Variants in ZNF528 observed in about 807,000 individuals in gnomAD.
The protein encoded by ZNF528 is zinc finger protein 528.
A neutral mutation model predicts 13.3 loss-of-function variants in ZNF528; 9 were observed. The observed-to-expected ratio is 0.67, with a 90% CI of 0.41 to 1.18. ZNF528 has a LOEUF of 1.18. ZNF528 is among the 50% of genes most tolerant of loss of function. The pLI is 0.01. For missense variants in ZNF528, 858 were observed against 745.4 expected, an observed-to-expected ratio of 1.15 and a Z score of -1.76; for synonymous variants, 264 against 254.3, an observed-to-expected ratio of 1.04 and a Z score of -0.36.
chr19:52,406,081 C>T (rs1194431029), intron 5 of ZNF528, 48 bp downstream of exon 5: 3 of 1,576,432 alleles, frequency 1.9e-6, no homozygotes, highest in African/African-American at 2.7e-5. Context: ...TGGTGGATCT[C>T]TGAATTGTGT....
In ZNF528 at chr19:52,416,824, A is replaced by C. The variant is rs115605520; in HGVS notation, c.*85A>C. 3,130 of 1,361,544 alleles carry C rather than the reference A, an allele frequency of 2.3e-3. 55 individuals are homozygous for C. The African/African-American group carries it at 0.041, about 18-fold the overall frequency. The allele number at this position is 1,361,544 out of a possible 1,614,324, so 84.3% of individuals were successfully genotyped here. ...AGTGAGTCCATACTAAGTGGAAATC[A>C]TATAAATGAAATGTATGTGACACAG... On this transcript the variant is annotated 3_prime_UTR_variant, in exon 7 of 7. Coordinates refer to ENST00000360465, the MANE Select transcript of ZNF528 (RefSeq NM_032423.3).
In ZNF528 at chr19:52,415,113, TTC is replaced by T; in HGVS notation, c.272-9_272-8del. On this transcript the variant is annotated splice_polypyrimidine_tract_variant and intron_variant, in intron 6 of 6. Coordinates refer to ENST00000360465, the MANE Select transcript of ZNF528 (RefSeq NM_032423.3). ...ATGGGTTGAAGTTCCACTTTTTTCT[TTC>T]TGTTTTAGAGAGGAGCTCTAAATTG... is the stretch of plus-strand genomic sequence containing the variant. The T allele has an allele frequency of 1.9e-6, 3 of 1,609,774 alleles. No homozygotes were observed. The highest frequency in any genetic ancestry group is 2.5e-6 in the Non-Finnish European group (3 of 1,177,882).
Position 52,418,333 on chromosome 19 carries a change from G to A in ZNF528, c.*1594G>A, listed in dbSNP as rs989425162. 11 of 152,198 alleles carry A rather than the reference G, an allele frequency of 7.2e-5. No homozygotes were observed. The highest frequency in any genetic ancestry group is 7.2e-4 in the Admixed American group (11 of 15,270). 9.4% of individuals were successfully genotyped at this position (152,198 alleles called of 1,614,324 possible). On this transcript the variant is annotated 3_prime_UTR_variant, in exon 7 of 7. Coordinates refer to ENST00000360465, the MANE Select transcript of ZNF528 (RefSeq NM_032423.3). ...TCACATTTAATTCTTGGTATTATAA[G>A]TTGCAACCATTTGATTTAGAATGTA...
At chr19:52,404,601 TG>T (rs2058832997) in intron 4 of ZNF528, among the ~76,000 whole-genome samples, 1 of 151,966 alleles carries the variant, frequency 6.6e-6, no homozygotes, top group African/African-American at 2.4e-5. Context: ...TTATTTTATT[TG>T]TTTTTTTGAG....
chr19:52,413,854 CT>C, intron 6 of ZNF528: 1 of 216,502 alleles, frequency 4.6e-6, no homozygotes, highest in Non-Finnish European at 9.4e-6. Flanking sequence ...ACTTTAAGAC[CT>C]TTTTGATGAG....
chr19:52,402,153 T>G, intron 4 of ZNF528, 125 bp downstream of exon 4: 1 of 1,352,532 alleles, frequency 7.4e-7, no homozygotes, highest in Non-Finnish European at 1.0e-6. Context: ...TACCCATGGC[T>G]TCTTCCAGTC....
intron 6 of ZNF528, among the ~76,000 whole-genome samples, chr19:52,411,127 C>T (rs1248096241): frequency 6.6e-6 from 1 of 152,060 alleles, no homozygotes; most frequent in Non-Finnish European, 1.5e-5. Flanking sequence ...AGAATATCAT[C>T]CATAAAATGA....
Position 52,416,626 on chromosome 19 carries a change from C to T in ZNF528, c.1774C>T (p.Leu592Phe). Reference protein sequence around the residue: ...CGKIFTQKSSLTNHHRIHIGE... With the variant: ...CGKIFTQKSSFTNHHRIHIGE... Reference sequence around the variant, plus strand: ...CAAGATCTTCACTCAGAAGTCTTCCCTCACCAATCACCATAGAATTCACAT... The same window carrying T: ...CAAGATCTTCACTCAGAAGTCTTCCTTCACCAATCACCATAGAATTCACAT... Residue 592 changes from leucine (L) to phenylalanine (F), a missense_variant, in exon 7 of 7, where the codon CTC (leucine) becomes TTC (phenylalanine). Leu to Phe is a conservative substitution (Grantham distance 22). Transcript: ENST00000360465. The T allele has an allele frequency of 6.2e-7, 1 of 1,614,160 alleles. No homozygotes were observed. Among genetic ancestry groups the T allele is most frequent in the Non-Finnish European group, 8.5e-7 (1 of 1,180,036 alleles).
intron 6 of ZNF528, chr19:52,411,866 T>C (rs1014906566): frequency 6.6e-6 from 1 of 152,190 alleles, no homozygotes; most frequent in Non-Finnish European, 1.5e-5. Flanking sequence ...CATAAATTGA[T>C]GGCTGTATTT....
chr19:52,418,255 T>C lies in ZNF528; in HGVS notation c.*1516T>C, dbSNP rs1364345170. On this transcript the variant is annotated 3_prime_UTR_variant, in exon 7 of 7. Coordinates refer to ENST00000360465, the MANE Select transcript of ZNF528 (RefSeq NM_032423.3). Reference sequence around the variant, plus strand: ...CTGCCTCAGCCTGAAAGTGCTAGGATTACAGGCGTGAGCCACCACACCTGG... The same window carrying C: ...CTGCCTCAGCCTGAAAGTGCTAGGACTACAGGCGTGAGCCACCACACCTGG... 1 of 152,168 alleles carries C rather than the reference T, an allele frequency of 6.6e-6. No homozygotes were observed. The highest frequency in any genetic ancestry group is 1.9e-4 in the East Asian group (1 of 5,180). The allele number at this position is 152,168 out of a possible 1,614,324, so 9.4% of individuals were successfully genotyped here. A position where few individuals can be genotyped will look rare whatever the true frequency, so the allele number is the denominator to read the frequency against.
chr19:52,414,568 C>G (rs2058975089), intron 6 of ZNF528: 2 of 488,364 alleles, frequency 4.1e-6, no homozygotes, highest in Admixed American at 3.4e-5. Context: ...TAGATAATTT[C>G]AATGAGCATG....
At chr19:52,414,462 G>T in intron 6 of ZNF528, 1 of 594,366 alleles carries the variant, frequency 1.7e-6, no homozygotes, top group Non-Finnish European at 3.0e-6. Context: ...TAAAGGAGAT[G>T]GTGGCAGGGG....
chr19:52,415,111 C>A lies in ZNF528; in HGVS notation c.272-13C>A, dbSNP rs1418303940. 3 of 1,608,644 alleles carry A rather than the reference C, an allele frequency of 1.9e-6. No homozygotes were observed. Among genetic ancestry groups the A allele is most frequent in the Middle Eastern group, 1.7e-4 (1 of 6,012 alleles). ...TCATGGGTTGAAGTTCCACTTTTTTCTTTCTGTTTTAGAGAGGAGCTCTAA... is the reference window on the plus strand; with the variant it reads ...TCATGGGTTGAAGTTCCACTTTTTTATTTCTGTTTTAGAGAGGAGCTCTAA... On this transcript the variant is annotated splice_polypyrimidine_tract_variant and intron_variant, in intron 6 of 6. Transcript: ENST00000360465.
Position 52,415,779 on chromosome 19 carries a change from T to C in ZNF528, c.927T>C (p.Ile309=). The C allele has an allele frequency of 6.2e-7, 1 of 1,613,956 alleles. No homozygotes were observed. Among genetic ancestry groups the C allele is most frequent in the Non-Finnish European group, 8.5e-7 (1 of 1,180,002 alleles). Residue 309 remains isoleucine, a synonymous_variant, in exon 7 of 7, where the codon ATT becomes ATC. Transcript: ENST00000360465. The part of the protein sequence containing the change: ...CHECDKVFNQ[I]AHLVRHQKIH... ...AATGTGACAAGGTCTTCAATCAAAT[T>C]GCACACCTTGTACGACATCAAAAAA...
At position 52,418,006 on chromosome 19, in the gene ZNF528, CAG is replaced by C. The variant is rs1386936768; in HGVS notation, c.*1270_*1271del. The C allele has an allele frequency of 6.6e-6, 1 of 151,826 alleles. No individual in the cohort carries two copies. Among genetic ancestry groups the C allele is most frequent in the Non-Finnish European group, 1.5e-5 (1 of 67,994 alleles). The allele number at this position is 151,826 out of a possible 1,614,324, so 9.4% of individuals were successfully genotyped here. A position where few individuals can be genotyped will look rare whatever the true frequency, so the allele number is the denominator to read the frequency against. ...CAGCATATTCTTTTTTTAGATGAGA[CAG>C]AGTTTCGCCCTTGTCACCCAGGCTG... On this transcript the variant is annotated 3_prime_UTR_variant, in exon 7 of 7. Coordinates refer to ENST00000360465, the MANE Select transcript of ZNF528 (RefSeq NM_032423.3).
At chr19:52,403,006 A>T (rs2058813068) in intron 4 of ZNF528, among the ~76,000 whole-genome samples, 1 of 152,186 alleles carries the variant, frequency 6.6e-6, no homozygotes, top group South Asian at 2.1e-4. Flanking sequence ...CTAAAATTTT[A>T]AAAATATTAT....
At chr19:52,406,790 C>A in intron 6 of ZNF528, 147 bp downstream of exon 6, 1 of 1,110,494 alleles carries the variant, frequency 9.0e-7, no homozygotes, top group Non-Finnish European at 1.2e-6. Context: ...CCCTGGCTCG[C>A]TCTTCCAAAG....
At chr19:52,404,597 T>C (rs1010756729) in intron 4 of ZNF528, among the ~76,000 whole-genome samples, 1 of 151,936 alleles carries the variant, frequency 6.6e-6, no homozygotes, top group African/African-American at 2.4e-5. Flanking sequence ...TTTTTTATTT[T>C]ATTTGTTTTT....
Position 52,415,381 on chromosome 19 carries a change from C to G in ZNF528, c.529C>G (p.Gln177Glu), listed in dbSNP as rs748261663. The G allele has an allele frequency of 3.1e-6, 5 of 1,613,952 alleles. No individual in the cohort carries two copies. Among genetic ancestry groups the G allele is most frequent in the Non-Finnish European group, 4.2e-6 (5 of 1,179,998 alleles). ...TCATGCTCCATTACTTCCACAAGAA[C>G]AGAAAGCACACATTAGGGAAAAAGC... ...FDHAPLLPQE[Q>E]KAHIREKAYK... The change falls in exon 7 of 7, where the codon CAG (glutamine) becomes GAG (glutamate). Residue 177 changes from glutamine (Q) to glutamate (E), a missense_variant. Gln to Glu is a conservative substitution (Grantham distance 29). Coordinates refer to ENST00000360465, the MANE Select transcript of ZNF528 (RefSeq NM_032423.3).
Sources: allele counts gnomAD v4.1 joint callset (sites outside exome capture counted in the v4.1 genomes callset), GRCh38; gene constraint gnomAD v4.1.1; transcripts MANE v1.5; gene names NCBI Gene and HGNC (gene_info 2026-07-23, HGNC 2026-07-21).